PCDH15: variants seen among roughly 807,000 people sequenced by gnomAD.
PCDH15 encodes the protein protocadherin-15.
In PCDH15, 129 loss-of-function variants were observed where a neutral mutation model predicts 178.5. The observed-to-expected ratio is 0.72, with a 90% CI of 0.63 to 0.84. The LOEUF is 0.84. PCDH15 is among the 40% of genes least tolerant of loss of function. The pLI, the probability that PCDH15 is intolerant of heterozygous loss-of-function variation, is 0.00. For synonymous variants in PCDH15, 800 were observed against 732.0 expected (o/e 1.09, Z -1.50); for missense variants, 2,230 against 2,099.9 (o/e 1.06, Z -1.21).
intron 15 of PCDH15, among the ~76,000 whole-genome samples, chr10:54,118,053 A>C (rs568566111): frequency 6.6e-6 from 1 of 152,322 alleles, no homozygotes; most frequent in East Asian, 1.9e-4. Context: ...TTCCAAACTT[A>C]AGTGGCAGTG....
intron 23 of PCDH15, among the ~76,000 whole-genome samples, chr10:53,945,028 C>T (rs1031130217): frequency 6.6e-6 from 1 of 152,178 alleles, no homozygotes; most frequent in African/African-American, 2.4e-5. Context: ...ATCACCTCAA[C>T]TAAAACTGAA....
chr10:54,833,904 G>A (rs1023687939), intron 3 of PCDH15, among the ~76,000 whole-genome samples: 1 of 151,964 alleles, frequency 6.6e-6, no homozygotes, highest in Non-Finnish European at 1.5e-5. Context: ...TGTTTTGGGA[G>A]TTAGGGGGAA....
chr10:55,331,480 C>A (rs567180537), intron 2 of PCDH15, among the ~76,000 whole-genome samples: 2 of 151,996 alleles, frequency 1.3e-5, no homozygotes, highest in East Asian at 3.9e-4. Context: ...TGTCCAAGAA[C>A]CAAGATACCT....
intron 3 of PCDH15, among the ~76,000 whole-genome samples, chr10:54,810,210 G>T (rs114572781): frequency 2.0e-5 from 3 of 152,144 alleles, no homozygotes; most frequent in African/African-American, 7.2e-5. Flanking sequence ...TGATAAGTGG[G>T]TCTGTGTGCA....
chr10:54,534,628 G>T (rs909960887), intron 2 of PCDH15, among the ~76,000 whole-genome samples: 8 of 152,094 alleles, frequency 5.3e-5, no homozygotes, highest in African/African-American at 1.9e-4. Flanking sequence ...TCATGTGTTT[G>T]TATTTACACA....
chr10:55,099,729 C>T (rs1662675176), intron 2 of PCDH15, among the ~76,000 whole-genome samples: 1 of 151,698 alleles, frequency 6.6e-6, no homozygotes, highest in Non-Finnish European at 1.5e-5. Flanking sequence ...TGCTTTTCAG[C>T]CAATAAAGTG....
intron 3 of PCDH15, among the ~76,000 whole-genome samples, chr10:54,815,345 C>G (rs375449243): frequency 6.6e-6 from 1 of 151,802 alleles, no homozygotes; most frequent in Non-Finnish European, 1.5e-5. Flanking sequence ...ACACAAAGAC[C>G]GTACATGGCA....
intron 3 of PCDH15, among the ~76,000 whole-genome samples, chr10:54,861,850 A>C (rs148303447): frequency 6.6e-6 from 1 of 152,314 alleles, no homozygotes; most frequent in Non-Finnish European, 1.5e-5. Context: ...AAAATACATA[A>C]ACAAATACTC....
intron 13 of PCDH15, among the ~76,000 whole-genome samples, chr10:54,179,182 C>T (rs372999544): frequency 3.6e-4 from 54 of 151,934 alleles, no homozygotes; most frequent in African/African-American, 8.7e-4. Flanking sequence ...TGTCCAACAA[C>T]GATAGACTGG....
At chr10:55,357,944 A>G (rs1449488490) in intron 2 of PCDH15, among the ~76,000 whole-genome samples, 1 of 152,102 alleles carries the variant, frequency 6.6e-6, no homozygotes, top group East Asian at 1.9e-4. Flanking sequence ...AGAGATAGCA[A>G]GCACCTGGTG....
chr10:54,408,876 C>A (rs183572857), intron 3 of PCDH15, among the ~76,000 whole-genome samples: 1 of 152,258 alleles, frequency 6.6e-6, no homozygotes, highest in East Asian at 1.9e-4. Context: ...AACCAGGCAT[C>A]TGGATCATGG....
At chr10:55,418,021 A>G (rs1474857329) in intron 2 of PCDH15, among the ~76,000 whole-genome samples, 1 of 151,730 alleles carries the variant, frequency 6.6e-6, no homozygotes, top group African/African-American at 2.4e-5. Flanking sequence ...GTCCAGTAGG[A>G]AAAGATAATT....
At chr10:55,278,913 C>A (rs1412876326) in intron 1 of PCDH15, among the ~76,000 whole-genome samples, 1 of 152,048 alleles carries the variant, frequency 6.6e-6, no homozygotes, top group Admixed American at 6.6e-5. Flanking sequence ...TCAGGCAAAC[C>A]CACACTCTAA....
chr10:54,338,419 A>G (rs1832967333), intron 6 of PCDH15, among the ~76,000 whole-genome samples: 2 of 152,324 alleles, frequency 1.3e-5, no homozygotes, highest in South Asian at 4.1e-4. Flanking sequence ...ACTTTGACAT[A>G]TATACACACA....
intron 18 of PCDH15, among the ~76,000 whole-genome samples, chr10:54,043,571 TACAG>T (rs149658876): frequency 0.073 from 11,122 of 152,010 alleles, 544 homozygotes; most frequent in Middle Eastern, 0.17. Context: ...TATTTTTTTG[TACAG>T]ACAGAGATTT....
chr10:54,539,445 T>C (rs1470993637), intron 2 of PCDH15, among the ~76,000 whole-genome samples: 1 of 152,204 alleles, frequency 6.6e-6, no homozygotes, highest in Non-Finnish European at 1.5e-5. Context: ...GCTAACTATA[T>C]ACATATGCAA....
chr10:55,156,453 A>C (rs940755924), intron 2 of PCDH15, among the ~76,000 whole-genome samples: 1 of 152,074 alleles, frequency 6.6e-6, no homozygotes, highest in Non-Finnish European at 1.5e-5. Flanking sequence ...TTTTTGACCA[A>C]TTGGCACCTC....
intron 3 of PCDH15, among the ~76,000 whole-genome samples, chr10:54,832,611 G>T (rs1381549530): frequency 2.0e-5 from 3 of 152,116 alleles, no homozygotes; most frequent in Non-Finnish European, 4.4e-5. Flanking sequence ...TAAAAATTGT[G>T]TTTTCTGATT....
chr10:54,408,490 A>G (rs56168968), intron 3 of PCDH15, among the ~76,000 whole-genome samples: 14 of 151,336 alleles, frequency 9.3e-5, no homozygotes, highest in African/African-American at 1.9e-4. Context: ...AAATCTATTA[A>G]CATGTTTTAC....
Sources: gnomAD v4.1 joint callset for allele counts (sites outside exome capture counted in the v4.1 genomes callset) on GRCh38, gnomAD v4.1.1 for gene constraint, MANE v1.5 for transcripts, NCBI Gene and HGNC (gene_info 2026-07-23, HGNC 2026-07-21) for gene names.